Variants in SPI1 observed in about 807,000 individuals in gnomAD.
The protein encoded by SPI1 is transcription factor PU.1.
SPI1 carries 3 observed loss-of-function variants against 30.7 expected under a neutral mutation model. The observed-to-expected ratio is 0.10, with a 90% CI of 0.04 to 0.25. SPI1 has a LOEUF of 0.25. Among genes scored for constraint, SPI1 ranks in the 10% least tolerant of loss-of-function variants. SPI1 has a pLI of 1.00. For missense variants in SPI1, 261 were observed against 371.5 expected (o/e 0.70, Z 2.45); for synonymous variants, 169 against 157.1 (o/e 1.08, Z -0.56).
chr11:47,358,342 C>T lies in SPI1; in HGVS notation c.493+502G>A. The T allele has an allele frequency of 6.8e-6, 4 of 585,216 alleles. No homozygotes were observed. The South Asian group carries it at 7.8e-5, about 11-fold the overall frequency. 36.3% of individuals were successfully genotyped at this position (585,216 alleles called of 1,614,324 possible). A position where few individuals can be genotyped will look rare whatever the true frequency, so the allele number is the denominator to read the frequency against. On this transcript the variant is annotated intron_variant, in intron 4 of 4. Coordinates refer to ENST00000378538, the MANE Select transcript of SPI1 (RefSeq NM_003120.3). ...CCACTCACATATACCATGCTCACAT[C>T]CCTGCTCACACAGGCACACCCACAC...
chr11:47,366,563 G>A (rs2095928383), intron 2 of SPI1, among the ~76,000 whole-genome samples: 1 of 152,120 alleles, frequency 6.6e-6, no homozygotes. Flanking sequence ...TTATTCAGAC[G>A]TAGAAACAGG....
At chr11:47,368,851 G>A (rs1218259988) in intron 2 of SPI1, among the ~76,000 whole-genome samples, 1 of 152,080 alleles carries the variant, frequency 6.6e-6, no homozygotes. Context: ...TGATGATAAC[G>A]TGAATATATT....
intron 2 of SPI1, among the ~76,000 whole-genome samples, chr11:47,371,114 AC>A (rs1169700338): frequency 6.6e-6 from 1 of 152,014 alleles, no homozygotes; most frequent in Non-Finnish European, 1.5e-5. Flanking sequence ...TAATCCCAGC[AC>A]TTTGGGAGGC....
chr11:47,356,783 ACCT>A (rs968029629), intron 4 of SPI1, among the ~76,000 whole-genome samples: 6 of 145,422 alleles, frequency 4.1e-5, no homozygotes, highest in Admixed American at 4.1e-4. Flanking sequence ...ACCTACCCAC[ACCT>A]CACACACACT....
Position 47,358,914 on chromosome 11 carries a change from G to A in SPI1, c.423C>T (p.Pro141=). ...CCTCGCCGTCAGACACCTCCAGTGG[G>A]GGGCTCTGCCGCTCGCCCTCCTCCT... ...SDEEEGERQS[P]PLEVSDGEAD... is the part of the protein sequence containing the mutation. The change falls in exon 4 of 5, where the codon CCC becomes CCT. Residue 141 remains proline (P), a synonymous_variant. Transcript: ENST00000378538. 2 of 1,564,586 alleles carry A rather than the reference G, an allele frequency of 1.3e-6. No individual in the cohort carries two copies. Among genetic ancestry groups the A allele is most frequent in the Non-Finnish European group, 1.7e-6 (2 of 1,155,478 alleles).
chr11:47,372,105 CTTT>C (rs912143261), intron 2 of SPI1, among the ~76,000 whole-genome samples: 16 of 140,798 alleles, frequency 1.1e-4, no homozygotes, highest in East Asian at 2.1e-4. Flanking sequence ...TTGTCTGATT[CTTT>C]TTTTTTTTTT....
At chr11:47,358,133 TTACA>T (rs1423551513) in intron 4 of SPI1, 24 of 190,694 alleles carry the variant, frequency 1.3e-4, no homozygotes, top group Admixed American at 6.0e-4. Context: ...ACACACCTGC[TTACA>T]TACACCCTCA....
rs764993077 is a variant in SPI1 at position 47,355,552 on chromosome 11, G to T, written c.494-6C>A. ...GCGGATCTTCTTCTTGCTGCCTGCG[G>T]GGGGGAGGGCCCGGTGGGAGGGGGC... On this transcript the variant is annotated splice_region_variant and splice_polypyrimidine_tract_variant and intron_variant, in intron 4 of 4. Transcript: ENST00000378538. 29 of 1,564,898 alleles carry T rather than the reference G, an allele frequency of 1.9e-5. No individual in the cohort carries two copies. Among genetic ancestry groups the T allele is most frequent in the Admixed American group, 7.2e-5 (4 of 55,832 alleles).
Position 47,358,996 on chromosome 11 carries a change from A to G in SPI1, c.341T>C (p.Leu114Pro), listed in dbSNP as rs1213069874. The change falls in exon 4 of 5, where the codon CTG becomes CCG. Residue 114 changes from leucine (L) to proline (P), a missense_variant. This residue lies in a region of SPI1 where 106 missense variants were observed against 102.0 expected (regional missense o/e 1.04). Transcript: ENST00000378538. ...TGGGTACTGGAGGCACATCCGGGGC[A>G]GGTAGGAGACCTGGACGGTGGGGGA... The part of the protein sequence containing the change: ...HPSLGHQVSY[L>P]PRMCLQYPSL... 6.5e-7 allele frequency: 1 copy of G among 1,529,686 alleles called. No homozygotes were observed. Among genetic ancestry groups the G allele is most frequent in the Non-Finnish European group, 8.8e-7 (1 of 1,139,036 alleles). 94.8% of individuals were successfully genotyped at this position (1,529,686 alleles called of 1,614,324 possible). A position where few individuals can be genotyped will look rare whatever the true frequency, so the allele number is the denominator to read the frequency against.
At chr11:47,357,130 T>TCACACATGCTCACACCTCATACCTCA (rs1303424974) in intron 4 of SPI1, among the ~76,000 whole-genome samples, 1 of 148,488 alleles carries the variant, frequency 6.7e-6, no homozygotes, top group South Asian at 2.1e-4. Context: ...TGCTCACACC[T>TCACACATGCTCACACCTCATACCTCA]CACACATGCT....
At chr11:47,377,108 C>G (rs1021813530) in intron 1 of SPI1, among the ~76,000 whole-genome samples, 6 of 152,330 alleles carry the variant, frequency 3.9e-5, no homozygotes, top group Admixed American at 3.3e-4. Flanking sequence ...CTGGCTGGTC[C>G]TGCCTGGTCC....
intron 1 of SPI1, among the ~76,000 whole-genome samples, chr11:47,377,013 G>A (rs937151199): frequency 6.6e-6 from 1 of 152,202 alleles, no homozygotes; most frequent in Admixed American, 6.5e-5. Flanking sequence ...GGCTCTTTCT[G>A]AGACAACCTC....
intron 2 of SPI1, among the ~76,000 whole-genome samples, chr11:47,372,700 C>G (rs537553067): frequency 3.4e-4 from 51 of 152,224 alleles, no homozygotes; most frequent in African/African-American, 1.2e-3. Flanking sequence ...TTCCCACTCC[C>G]CAGCCGCTTT....
At chr11:47,366,775 C>T (rs187713390) in intron 2 of SPI1, among the ~76,000 whole-genome samples, 2 of 151,792 alleles carry the variant, frequency 1.3e-5, no homozygotes, top group East Asian at 1.9e-4. Flanking sequence ...GAGCAGAGAT[C>T]GCACCATTGC....
At chr11:47,358,732 C>CAT in intron 4 of SPI1, 112 bp downstream of exon 4, 1 of 1,082,700 alleles carries the variant, frequency 9.2e-7, no homozygotes, top group Non-Finnish European at 1.4e-6. Flanking sequence ...CATGCACACA[C>CAT]ACACACACGC....
Position 47,378,470 on chromosome 11 carries a change from G to C in SPI1, c.-117C>G. ...GTCGTGGGGCGGGTGCAGGGCTCAG[G>C]CCTGCCCCCTGAGCTACAGGAGCCC... On this transcript the variant is annotated 5_prime_UTR_variant, in exon 1 of 5. Coordinates refer to ENST00000378538, the MANE Select transcript of SPI1 (RefSeq NM_003120.3). 1.8e-6 allele frequency: 2 copies of C among 1,111,272 alleles called. No homozygotes were observed. The highest frequency in any genetic ancestry group is 2.6e-6 in the Non-Finnish European group (2 of 759,376). The allele number at this position is 1,111,272 out of a possible 1,614,324, so 68.8% of individuals were successfully genotyped here. A position where few individuals can be genotyped will look rare whatever the true frequency, so the allele number is the denominator to read the frequency against.
intron 2 of SPI1, among the ~76,000 whole-genome samples, chr11:47,367,508 C>G (rs1303698000): frequency 2.7e-5 from 4 of 146,672 alleles, no homozygotes; most frequent in African/African-American, 1.0e-4. Context: ...GAGCCAAGGT[C>G]ACACCACTGC....
intron 2 of SPI1, among the ~76,000 whole-genome samples, chr11:47,368,258 G>A (rs1466116367): frequency 1.3e-5 from 2 of 152,086 alleles, no homozygotes; most frequent in Non-Finnish European, 2.9e-5. Flanking sequence ...CCAGCTACTC[G>A]GGATTCTGAG....
Position 47,355,138 on chromosome 11 carries a change from G to A in SPI1, c.*89C>T. Reference sequence around the variant, plus strand: ...CGCCACAGTCCTGCCTCTGGGCCCCGGGAGCGTCCTCCCTGTGTCCGGGCC... The same window carrying A: ...CGCCACAGTCCTGCCTCTGGGCCCCAGGAGCGTCCTCCCTGTGTCCGGGCC... On this transcript the variant is annotated 3_prime_UTR_variant, in exon 5 of 5. Coordinates refer to ENST00000378538, the MANE Select transcript of SPI1 (RefSeq NM_003120.3). 1.3e-5 allele frequency: 14 copies of A among 1,091,182 alleles called. No individual in the cohort carries two copies. Among genetic ancestry groups the A allele is most frequent in the Non-Finnish European group, 1.5e-5 (13 of 859,006 alleles). 67.6% of individuals were successfully genotyped at this position (1,091,182 alleles called of 1,614,324 possible). A position where few individuals can be genotyped will look rare whatever the true frequency, so the allele number is the denominator to read the frequency against.
Sources: gnomAD v4.1 joint callset for allele counts (sites outside exome capture counted in the v4.1 genomes callset) on GRCh38, gnomAD v4.1.1 for gene constraint, gnomAD v4.1.1 regional missense constraint, MANE v1.5 for transcripts, NCBI Gene and HGNC (gene_info 2026-07-23, HGNC 2026-07-21) for gene names.